Variants in NEBL observed in about 807,000 individuals in gnomAD.
NEBL encodes the protein LIM and SH3 protein 2.
In NEBL, 122 loss-of-function variants were observed where a neutral mutation model predicts 140.2. The observed-to-expected ratio is 0.87, with a 90% CI of 0.75 to 1.01. The LOEUF (loss-of-function observed/expected upper bound fraction) is 1.01, where lower values mean the gene tolerates loss of function less well. Ranked by LOEUF, NEBL falls within the 50% of genes least tolerant of loss-of-function variation. The pLI, the probability that NEBL is intolerant of heterozygous loss-of-function variation, is 0.00. For synonymous variants in NEBL, 436 were observed against 398.9 expected (o/e 1.09, Z -1.11); for missense variants, 1,365 against 1,231.3 (o/e 1.11, Z -1.62).
chr10:20,889,856 A>G lies in NEBL; in HGVS notation c.247T>C (p.Phe83Leu). The change falls in exon 3 of 28, where the codon TTT (phenylalanine) becomes CTT (leucine). Residue 83 changes from phenylalanine to leucine, a missense_variant. Physicochemically the swap from Phe to Leu is conservative, Grantham distance 22 (BLOSUM62 0). This residue lies in a region of NEBL where 1,323 missense variants were observed against 1,154.8 expected (regional missense o/e 1.15). Transcript: ENST00000377122. ...MLNHVKNIGA[F>L]ISEAKYKGTI... ...TTTTGATACCTTACCTCAGAAATAAAAGCACCGATATTTTTTACATGGTTT... is the reference window on the plus strand; with the variant it reads ...TTTTGATACCTTACCTCAGAAATAAGAGCACCGATATTTTTTACATGGTTT... The G allele has an allele frequency of 6.2e-7, 1 of 1,608,524 alleles. No homozygotes were observed. Among genetic ancestry groups the G allele is most frequent in the Middle Eastern group, 1.7e-4 (1 of 6,046 alleles).
chr10:20,980,634 C>G (rs1026703573), intron 3 of NEBL, among the ~76,000 whole-genome samples: 5 of 152,094 alleles, frequency 3.3e-5, no homozygotes, highest in African/African-American at 1.2e-4. Flanking sequence ...CAGAGAGAGC[C>G]TCTATACCTC....
chr10:21,081,506 T>C (rs1029670105), intron 2 of NEBL, among the ~76,000 whole-genome samples: 2 of 152,164 alleles, frequency 1.3e-5, no homozygotes, highest in South Asian at 2.1e-4. Flanking sequence ...ATAGTACCTA[T>C]AATAGATAAA....
chr10:21,068,004 T>C (rs1159217239), intron 2 of NEBL, among the ~76,000 whole-genome samples: 1 of 151,998 alleles, frequency 6.6e-6, no homozygotes, highest in Non-Finnish European at 1.5e-5. Context: ...TATACTTCCC[T>C]ATGAAGTAAT....
At chr10:21,264,197 T>C (rs1341912810) in intron 1 of NEBL, among the ~76,000 whole-genome samples, 1 of 152,194 alleles carries the variant, frequency 6.6e-6, no homozygotes, top group African/African-American at 2.4e-5. Flanking sequence ...GTGTCCCCAG[T>C]TGGGATGATC....
intron 7 of NEBL, among the ~76,000 whole-genome samples, chr10:20,863,771 C>T (rs1290164155): frequency 6.6e-6 from 1 of 152,012 alleles, no homozygotes; most frequent in African/African-American, 2.4e-5. Flanking sequence ...AAATGGATTT[C>T]GAAAACACAC....
At chr10:20,877,465 A>C (rs1290055492) in intron 5 of NEBL, among the ~76,000 whole-genome samples, 1 of 152,190 alleles carries the variant, frequency 6.6e-6, no homozygotes. Context: ...CTTTCCTTTT[A>C]ATAAAAAGCA....
At chr10:21,103,437 T>C (rs1389654074) in intron 2 of NEBL, among the ~76,000 whole-genome samples, 3 of 152,064 alleles carry the variant, frequency 2.0e-5, no homozygotes, top group Non-Finnish European at 4.4e-5. Flanking sequence ...ATGGTCTCCA[T>C]CTCCTCACCT....
At chr10:20,978,671 C>T (rs1171503282) in intron 3 of NEBL, among the ~76,000 whole-genome samples, 1 of 151,814 alleles carries the variant, frequency 6.6e-6, no homozygotes, top group Admixed American at 6.6e-5. Context: ...AGGTGGATTG[C>T]CCGTACCCAG....
At chr10:20,972,360 A>G (rs1332551913) in intron 3 of NEBL, among the ~76,000 whole-genome samples, 1 of 152,220 alleles carries the variant, frequency 6.6e-6, no homozygotes, top group African/African-American at 2.4e-5. Context: ...CTGTTTTTCT[A>G]TAACAAGACA....
chr10:21,098,691 A>G (rs1336034941), intron 2 of NEBL, among the ~76,000 whole-genome samples: 2 of 152,218 alleles, frequency 1.3e-5, no homozygotes, highest in East Asian at 3.8e-4. Context: ...ATACACTCCT[A>G]TATACATATG....
intron 9 of NEBL, among the ~76,000 whole-genome samples, chr10:20,853,577 T>C (rs1842751665): frequency 6.6e-6 from 1 of 152,192 alleles, no homozygotes; most frequent in South Asian, 2.1e-4. Context: ...AGATTTCACA[T>C]GTTCTCACTC....
intron 26 of NEBL, among the ~76,000 whole-genome samples, chr10:20,788,556 A>G (rs1306252308): frequency 6.6e-6 from 1 of 152,152 alleles, no homozygotes; most frequent in East Asian, 1.9e-4. Context: ...ATTAGATTGA[A>G]AGGGGATTTT....
chr10:20,999,909 T>C (rs537861141), intron 3 of NEBL, among the ~76,000 whole-genome samples: 1 of 152,040 alleles, frequency 6.6e-6, no homozygotes, highest in African/African-American at 2.4e-5. Context: ...TGCTGATGTT[T>C]GAGAAAAGAT....
intron 2 of NEBL, among the ~76,000 whole-genome samples, chr10:21,105,114 T>G (rs1209600783): frequency 6.6e-6 from 1 of 152,214 alleles, no homozygotes; most frequent in African/African-American, 2.4e-5. Flanking sequence ...TTGTTGAATT[T>G]TATTGGCTAA....
At chr10:20,825,574 G>A (rs994699471) in intron 18 of NEBL, among the ~76,000 whole-genome samples, 2 of 151,780 alleles carry the variant, frequency 1.3e-5, no homozygotes, top group African/African-American at 4.8e-5. Context: ...GGCTGAGACA[G>A]AAGAATCACT....
intron 9 of NEBL, among the ~76,000 whole-genome samples, chr10:20,853,613 C>T (rs1408497288): frequency 6.6e-6 from 1 of 152,050 alleles, no homozygotes; most frequent in African/African-American, 2.4e-5. Context: ...AATAGTGAGA[C>T]CCCAGTTCTA....
chr10:21,161,738 G>C (rs906199471), intron 2 of NEBL, among the ~76,000 whole-genome samples: 1 of 152,142 alleles, frequency 6.6e-6, no homozygotes, highest in Non-Finnish European at 1.5e-5. Context: ...GAATAGGAAG[G>C]CTCAGGATGT....
intron 2 of NEBL, among the ~76,000 whole-genome samples, chr10:21,095,142 C>T (rs577794449): frequency 2.8e-4 from 43 of 152,316 alleles, no homozygotes; most frequent in Admixed American, 2.7e-3. Context: ...ATATCAGAAT[C>T]TAGAGGTGGG....
chr10:20,900,275 A>G (rs187433373), upstream of NEBL, among the ~76,000 whole-genome samples: 1 of 152,244 alleles, frequency 6.6e-6, no homozygotes, highest in African/African-American at 2.4e-5. Flanking sequence ...CTAAACTCTC[A>G]AAGTCCAGGT....
Sources: allele counts gnomAD v4.1 joint callset (sites outside exome capture counted in the v4.1 genomes callset), GRCh38; gene constraint gnomAD v4.1.1; regional missense constraint gnomAD v4.1.1; transcripts MANE v1.5; gene names NCBI Gene and HGNC (gene_info 2026-07-23, HGNC 2026-07-21).